The following MTAP variants were observed in gnomAD, a reference collection of about 807,000 sequenced individuals.
The protein encoded by MTAP is methylthioadenosine phosphorylase, also known as S-methyl-5'-thioadenosine phosphorylase.
Under a neutral mutation model 33.6 loss-of-function variants are expected in MTAP, and 33 were observed. The ratio of observed to expected loss-of-function variants is 0.98; its 90% CI spans 0.74 to 1.31. The LOEUF (loss-of-function observed/expected upper bound fraction) is 1.31, where lower values mean the gene tolerates loss of function less well. Among genes scored for constraint, MTAP ranks in the 40% most tolerant of loss-of-function variants. MTAP has a pLI of 0.00. For missense variants in MTAP, 367 were observed against 360.0 expected (o/e 1.02, Z -0.16); for synonymous variants, 148 against 125.7 (o/e 1.18, Z -1.19).
downstream of MTAP, among the ~76,000 whole-genome samples, chr9:21,940,756 G>A (rs1819125204): frequency 6.6e-6 from 1 of 152,194 alleles, no homozygotes; most frequent in African/African-American, 2.4e-5. Context: ...TTCTCCAGGT[G>A]CACCATCATC....
chr9:21,825,446 A>T (rs1212765665), intron 4 of MTAP, among the ~76,000 whole-genome samples: 1 of 152,242 alleles, frequency 6.6e-6, no homozygotes, highest in Non-Finnish European at 1.5e-5. Context: ...GGGGAATTTT[A>T]GTAATGGCTG....
intron 5 of MTAP, among the ~76,000 whole-genome samples, chr9:21,842,802 C>T (rs1236799717): frequency 6.6e-6 from 1 of 152,122 alleles, no homozygotes; most frequent in Non-Finnish European, 1.5e-5. Flanking sequence ...CAAAATAGAA[C>T]CTCATTAAAG....
chr9:21,930,913 T>C, intron 1 of MTAP: 1 of 643,882 alleles, frequency 1.6e-6, no homozygotes, highest in Non-Finnish European at 2.8e-6. Flanking sequence ...GTTCTTCCCT[T>C]TTTAGGCCCA....
rs931780699 is a variant in MTAP, at chr9:21,918,375, G to T, written c.148-12633G>T. Among the ~76,000 whole-genome samples the T allele has an allele frequency of 4.3e-4, 47 of 108,586 alleles. 2 individuals carry two copies. Among genetic ancestry groups the T allele is most frequent in the African/African-American group, 1.5e-3 (46 of 29,908 alleles). 71.2% of individuals were successfully genotyped at this position (108,586 alleles called of 152,430 possible). ...AAAAAAAAAAAAAAAAAAAAAAAAA[G>T]AGTGATTAATGGACTTTGGGGGCTC... On this transcript the variant is annotated intron_variant, in intron 1 of 1. Transcript: ENST00000577563.
intron 1 of MTAP, among the ~76,000 whole-genome samples, chr9:21,915,646 G>A (rs1818676431): frequency 6.6e-6 from 1 of 152,104 alleles, no homozygotes; most frequent in Non-Finnish European, 1.5e-5. Context: ...ATTTCAATAA[G>A]TATAAAGAGG....
chr9:21,925,212 G>C (rs1016298433), intron 1 of MTAP, among the ~76,000 whole-genome samples: 6 of 152,162 alleles, frequency 3.9e-5, no homozygotes, highest in Non-Finnish European at 7.4e-5. Context: ...ATAGATCAAG[G>C]ACCTCTTGGA....
chr9:21,816,268 C>A (rs947946106), intron 2 of MTAP, among the ~76,000 whole-genome samples: 4 of 152,148 alleles, frequency 2.6e-5, no homozygotes, highest in African/African-American at 9.7e-5. Context: ...GCCTTTGTTA[C>A]CTCAAGTCAT....
At chr9:21,909,488 T>C (rs1238773175) in intron 1 of MTAP, among the ~76,000 whole-genome samples, 1 of 152,148 alleles carries the variant, frequency 6.6e-6, no homozygotes, top group Non-Finnish European at 1.5e-5. Context: ...AATTTAATCT[T>C]CATGCATTAA....
chr9:21,910,754 C>T (rs1818562044), intron 1 of MTAP, among the ~76,000 whole-genome samples: 1 of 152,098 alleles, frequency 6.6e-6, no homozygotes, highest in Non-Finnish European at 1.5e-5. Context: ...TATATATTCA[C>T]ACAGGTGTGC....
rs1824531309 is a variant in MTAP at position 21,818,161 on chromosome 9, T to A, written c.306T>A (p.Ile102=). 6.2e-7 allele frequency: 1 copy of A among 1,613,922 alleles called. No individual in the cohort carries two copies. Among genetic ancestry groups the A allele is most frequent in the Non-Finnish European group, 8.5e-7 (1 of 1,179,994 alleles). ...TTACGSLREE[I]QPGDIVIIDQ... ...CTTGTGGCTCCTTGAGGGAGGAGAT[T>A]CAGCCCGGCGATATTGTCATTATTG... The change falls in exon 4 of 8, where the codon ATT becomes ATA. Residue 102 remains isoleucine (I), a synonymous_variant. Transcript: ENST00000644715.
intron 1 of MTAP, among the ~76,000 whole-genome samples, chr9:21,912,380 T>C (rs1260148271): frequency 6.6e-6 from 1 of 152,190 alleles, no homozygotes; most frequent in Non-Finnish European, 1.5e-5. Flanking sequence ...GCAAAAATCC[T>C]CAATAAAATA....
downstream of MTAP, among the ~76,000 whole-genome samples, chr9:21,869,581 C>T (rs1230764150): frequency 6.6e-6 from 1 of 152,144 alleles, no homozygotes; most frequent in African/African-American, 2.4e-5. Context: ...TCCTCAACTT[C>T]CCCTACACCT....
intron 1 of MTAP, among the ~76,000 whole-genome samples, chr9:21,915,811 C>T (rs947122893): frequency 6.6e-6 from 1 of 152,156 alleles, no homozygotes; most frequent in African/African-American, 2.4e-5. Context: ...AGGAGGATCA[C>T]TTGAGCCCAG....
rs1022357282 is a variant in MTAP, at chr9:21,803,036, A to G, written c.33+255A>G. 59 of 1,039,924 alleles carry G rather than the reference A, an allele frequency of 5.7e-5. No homozygotes were observed. In the African/African-American group the frequency reaches 7.7e-4, roughly 14 times the overall value. The allele number at this position is 1,039,924 out of a possible 1,614,324, so 64.4% of individuals were successfully genotyped here. Reference sequence around the variant, plus strand: ...CACACACACACACACACACACACACACCACCTTTTGGCTTATCTGCACCCG... The same window carrying G: ...CACACACACACACACACACACACACGCCACCTTTTGGCTTATCTGCACCCG... On this transcript the variant is annotated intron_variant, in intron 1 of 7. Coordinates refer to ENST00000644715, the MANE Select transcript of MTAP (RefSeq NM_002451.4).
At chr9:21,861,912 TTTA>T in intron 7 of MTAP, 61 bp from the exon 8 acceptor site, 1 of 970,744 alleles carries the variant, frequency 1.0e-6, no homozygotes, top group Non-Finnish European at 1.7e-6. Context: ...TGTTTTTTTT[TTTA>T]ACAAACATCT....
At position 21,879,108 on chromosome 9, in the gene MTAP, TTTG is replaced by T. The variant is rs538402468; in HGVS notation, c.147+24241_147+24243del. 9.9e-5 allele frequency among the ~76,000 whole-genome samples: 15 copies of T among 152,202 alleles called. No individual in the cohort carries two copies. The South Asian group carries it at 3.1e-3, about 32-fold the overall frequency. ...ATGTTGAGTTCAGGTCCTGAATATG[TTTG>T]TTAATTTTCTTCCTTGATGTTCTAA... On this transcript the variant is annotated intron_variant, in intron 1 of 1. Coordinates refer to the MTAP transcript ENST00000577563.
At chr9:21,802,808 G>A (rs1396562661) in intron 1 of MTAP, 27 bp downstream of exon 1, 11 of 1,611,968 alleles carry the variant, frequency 6.8e-6, no homozygotes, top group Admixed American at 3.3e-5. Context: ...CAGCCGCAGC[G>A]GTTCGCCCTG....
intron 1 of MTAP, among the ~76,000 whole-genome samples, chr9:21,883,984 G>C (rs1307810715): frequency 6.6e-6 from 1 of 152,158 alleles, no homozygotes; most frequent in African/African-American, 2.4e-5. Context: ...ATATTGCAGA[G>C]TAATCTCAGG....
chr9:21,900,655 C>G (rs1379577368), intron 1 of MTAP, among the ~76,000 whole-genome samples: 2 of 152,194 alleles, frequency 1.3e-5, no homozygotes, highest in Non-Finnish European at 2.9e-5. Context: ...ACCCAGCAAT[C>G]CCATTACTGG....
Sources: gnomAD v4.1 joint callset for allele counts (sites outside exome capture counted in the v4.1 genomes callset) on GRCh38, gnomAD v4.1.1 for gene constraint, MANE v1.5 for transcripts, NCBI Gene and HGNC (gene_info 2026-07-23, HGNC 2026-07-21) for gene names.